Variants in PTPN23 observed in about 807,000 individuals in gnomAD.
The protein encoded by PTPN23 is tyrosine-protein phosphatase non-receptor type 23.
A neutral mutation model predicts 156.3 loss-of-function variants in PTPN23; 72 were observed. That is an observed-to-expected ratio of 0.46 (90% confidence interval 0.38 to 0.56). PTPN23 has a LOEUF of 0.56. Ranked by LOEUF, PTPN23 falls within the 20% of genes least tolerant of loss-of-function variation. The probability of loss-of-function intolerance (pLI) is 0.00; values close to 1 mark genes in which losing one functional copy is unlikely to be tolerated. For synonymous variants in PTPN23, 957 were observed against 899.6 expected (o/e 1.06, Z -1.14); for missense variants, 1,974 against 2,171.5 (o/e 0.91, Z 1.81).
intron 1 of PTPN23, among the ~76,000 whole-genome samples, chr3:47,382,922 C>T (rs1159322969): frequency 1.3e-5 from 2 of 150,616 alleles, no homozygotes; most frequent in East Asian, 4.0e-4. Context: ...TCTCCCGACC[C>T]GTGATCCACC....
In PTPN23 at chr3:47,407,532, C is replaced by T; in HGVS notation, c.951C>T (p.Asp317=). 9 of 1,614,078 alleles carry T rather than the reference C, an allele frequency of 5.6e-6. No individual in the cohort carries two copies. Among genetic ancestry groups the T allele is most frequent in the Non-Finnish European group, 7.6e-6 (9 of 1,179,966 alleles). ...ACAATTCTGCCAAGAAGGACAACGA[C>T]TTCATTTACCATGAGGCTGTCCCAG... ...GKYNSAKKDN[D]FIYHEAVPAL... Residue 317 remains aspartate (D), a synonymous_variant, in exon 12 of 25, where the codon GAC becomes GAT. Transcript: ENST00000265562. This position sits in a 1 kb window ranked among gnomAD's most constrained non-coding sequence, Gnocchi z 4.0.
chr3:47,394,901 G>T (rs1029117121), intron 1 of PTPN23, among the ~76,000 whole-genome samples: 1 of 152,136 alleles, frequency 6.6e-6, no homozygotes, highest in Non-Finnish European at 1.5e-5. Flanking sequence ...GAAGGGGTGG[G>T]TTGTCCAGGA....
chr3:47,405,559 C>A lies in PTPN23; in HGVS notation c.365-190C>A. The A allele has an allele frequency of 1.6e-6, 1 of 624,958 alleles. No individual in the cohort carries two copies. The highest frequency in any genetic ancestry group is 2.8e-6 in the Non-Finnish European group (1 of 358,142). The allele number at this position is 624,958 out of a possible 1,614,324, so 38.7% of individuals were successfully genotyped here. ...CTTCCATCCTCTGCCAAATGCAGAG[C>A]AGGAGACTGAGGGCTGGGCAGGACT... On this transcript the variant is annotated intron_variant, in intron 4 of 24. Coordinates refer to ENST00000265562, the MANE Select transcript of PTPN23 (RefSeq NM_015466.4). This position sits in a 1 kb window ranked among gnomAD's most constrained non-coding sequence, Gnocchi z 4.7.
chr3:47,410,810 TG>T lies in PTPN23; in HGVS notation c.3016del (p.Val1006SerfsTer154). The T allele has an allele frequency of 8.0e-7, 1 of 1,253,292 alleles. No individual in the cohort carries two copies. The highest frequency in any genetic ancestry group is 1.0e-6 in the Non-Finnish European group (1 of 954,402). The allele number at this position is 1,253,292 out of a possible 1,614,324, so 77.6% of individuals were successfully genotyped here. ...CCCCCTACCCCTATGCCCCTCAGCC[TG>T]GGGTCCTGGGGCAGCCGCCACCCCC... ...QSPYPYAPQP[G>X]VLGQPPPPLH... On this transcript the variant is annotated frameshift_variant, in exon 20 of 25. Transcript: ENST00000265562. LOFTEE classifies it high-confidence loss of function.
chr3:47,405,029 T>A lies in PTPN23; in HGVS notation c.312T>A (p.Ser104=). Residue 104 remains serine, a synonymous_variant, in exon 4 of 25, where the codon TCT becomes TCA. Transcript: ENST00000265562. The surrounding 1 kb of genome is among the most constrained non-coding windows in gnomAD (Gnocchi z 4.7). ...GGACAGAGATCTTCTCAGGCAAGTC[T>A]GTGGCCCATGAGGACATCAAGTACG... ...VTWTEIFSGK[S]VAHEDIKYEQ... The A allele has an allele frequency of 6.2e-7, 1 of 1,614,234 alleles. No homozygotes were observed. The highest frequency in any genetic ancestry group is 8.5e-7 in the Non-Finnish European group (1 of 1,180,034).
rs1704539702 is a variant in PTPN23 at position 47,381,572 on chromosome 3, C to T, written c.84+392C>T. ...TGACCGTGCGGATTCTTTTGCTGCG[C>T]CCGGCCCTCGGTGCGCTGTCAAGTC... On this transcript the variant is annotated intron_variant, in intron 1 of 24. Coordinates refer to ENST00000265562, the MANE Select transcript of PTPN23 (RefSeq NM_015466.4). Among the ~76,000 whole-genome samples the T allele has an allele frequency of 2.0e-5, 3 of 152,188 alleles. No individual in the cohort carries two copies. The South Asian group carries it at 6.2e-4, about 31-fold the overall frequency.
intron 2 of PTPN23, among the ~76,000 whole-genome samples, chr3:47,403,073 G>A (rs1448193522): frequency 6.8e-6 from 1 of 146,846 alleles, no homozygotes; most frequent in Non-Finnish European, 1.5e-5. Flanking sequence ...TTTTTTTTGA[G>A]ACGGAGTCTC....
chr3:47,382,136 G>A (rs1025592789), intron 1 of PTPN23, among the ~76,000 whole-genome samples: 2 of 152,180 alleles, frequency 1.3e-5, no homozygotes, highest in Admixed American at 1.3e-4. Context: ...GGGTTTGGAA[G>A]TAGTTTCCCA....
At chr3:47,386,415 C>T (rs1278915280) in intron 1 of PTPN23, among the ~76,000 whole-genome samples, 1 of 152,168 alleles carries the variant, frequency 6.6e-6, no homozygotes, top group Non-Finnish European at 1.5e-5. Flanking sequence ...ATCTGCCCAC[C>T]TCGGTCTCCC....
intron 1 of PTPN23, among the ~76,000 whole-genome samples, chr3:47,385,265 C>G (rs752560697): frequency 1.3e-5 from 2 of 152,168 alleles, no homozygotes; most frequent in Admixed American, 1.3e-4. Context: ...ACCAGCTGTA[C>G]TTGAGCTCAA....
In PTPN23 at chr3:47,407,425, CT is replaced by C; in HGVS notation, c.923+59del. The C allele has an allele frequency of 6.2e-7, 1 of 1,609,126 alleles. No homozygotes were observed. Among genetic ancestry groups the C allele is most frequent in the South Asian group, 1.1e-5 (1 of 90,836 alleles). ...TTTTGTGAAGGGTCTTGTCCCTCTG[CT>C]GGCATCTACATGGGAAGTAGGTTCT... On this transcript the variant is annotated intron_variant, in intron 11 of 24. Coordinates refer to ENST00000265562, the MANE Select transcript of PTPN23 (RefSeq NM_015466.4). The surrounding 1 kb of genome is among the most constrained non-coding windows in gnomAD (Gnocchi z 4.0).
chr3:47,406,196 G>A lies in PTPN23; in HGVS notation c.547-129G>A, dbSNP rs567524696. The A allele has an allele frequency of 2.7e-5, 39 of 1,455,890 alleles. No homozygotes were observed. The African/African-American group carries it at 4.5e-4, about 17-fold the overall frequency. 90.2% of individuals were successfully genotyped at this position (1,455,890 alleles called of 1,614,324 possible). ...AATCAGGAGCACCGTGGTGCTGCTTGGAGTGGGGGCAGCTGGGGGAGAGGG... is the reference window on the plus strand; with the variant it reads ...AATCAGGAGCACCGTGGTGCTGCTTAGAGTGGGGGCAGCTGGGGGAGAGGG... On this transcript the variant is annotated intron_variant, in intron 6 of 24. Transcript: ENST00000265562. The surrounding 1 kb of genome is among the most constrained non-coding windows in gnomAD (Gnocchi z 5.8).
intron 2 of PTPN23, among the ~76,000 whole-genome samples, chr3:47,401,403 C>T (rs996749512): frequency 5.9e-5 from 9 of 151,976 alleles, no homozygotes; most frequent in South Asian, 2.1e-4. Flanking sequence ...GGCGGAGTCT[C>T]GCCATGTTCT....
In PTPN23 at chr3:47,405,845, G is replaced by T; in HGVS notation, c.414+47G>T. 9 of 1,591,118 alleles carry T rather than the reference G, an allele frequency of 5.7e-6. No homozygotes were observed. Among genetic ancestry groups the T allele is most frequent in the Non-Finnish European group, 7.7e-6 (9 of 1,166,956 alleles). ...GAACATGTGGACATACCAGGGAGGG[G>T]CAGCCTCCCAAGTATGGATGAATCC... On this transcript the variant is annotated intron_variant, in intron 5 of 24. Transcript: ENST00000265562. The surrounding 1 kb of genome is among the most constrained non-coding windows in gnomAD (Gnocchi z 4.7).
At chr3:47,403,132 GC>G (rs1705035544) in intron 2 of PTPN23, among the ~76,000 whole-genome samples, 1 of 151,450 alleles carries the variant, frequency 6.6e-6, no homozygotes, top group Non-Finnish European at 1.5e-5. Context: ...CTCACTGCAG[GC>G]TCCGCCCCCC....
At chr3:47,391,591 C>T (rs367572867) in intron 1 of PTPN23, among the ~76,000 whole-genome samples, 1 of 152,228 alleles carries the variant, frequency 6.6e-6, no homozygotes, top group Non-Finnish European at 1.5e-5. Context: ...AGAATGTGAC[C>T]TCTAGGCATG....
chr3:47,411,113 A>ACCAC lies in PTPN23; in HGVS notation c.3318_3321dup (p.Pro1108ThrfsTer44). On this transcript the variant is annotated frameshift_variant, in exon 20 of 25. Coordinates refer to ENST00000265562, the MANE Select transcript of PTPN23 (RefSeq NM_015466.4). LOFTEE classifies it high-confidence loss of function. The surrounding 1 kb of genome is among the most constrained non-coding windows in gnomAD (Gnocchi z 6.3). ...TACCCCCTCGCCCCCCAGCAGCAGAACCACCCCCTTGCCTGCGCCGAGGCG... is the reference window on the plus strand; with the variant it reads ...TACCCCCTCGCCCCCCAGCAGCAGAACCACCCACCCCCTTGCCTGCGCCGAGGCG... The ACCAC allele has an allele frequency of 6.2e-7, 1 of 1,604,190 alleles. No homozygotes were observed. Among genetic ancestry groups the ACCAC allele is most frequent in the East Asian group, 2.3e-5 (1 of 44,100 alleles).
Position 47,410,797 on chromosome 3 carries a change from A to G in PTPN23, c.2999A>G (p.Tyr1000Cys), listed in dbSNP as rs749316423. 6.0e-6 allele frequency: 9 copies of G among 1,503,702 alleles called. No individual in the cohort carries two copies. Among genetic ancestry groups the G allele is most frequent in the Admixed American group, 3.9e-5 (2 of 51,640 alleles). The allele number at this position is 1,503,702 out of a possible 1,614,324, so 93.1% of individuals were successfully genotyped here. Residue 1000 changes from tyrosine to cysteine, a missense_variant, in exon 20 of 25, where the codon TAT (tyrosine) becomes TGT (cysteine). Physicochemically the swap from Tyr to Cys is radical, Grantham distance 194. Coordinates refer to ENST00000265562, the MANE Select transcript of PTPN23 (RefSeq NM_015466.4). ...GLLPPQSPYP[Y>C]APQPGVLGQP... ...CTACCCCCACAATCCCCCTACCCCT[A>G]TGCCCCTCAGCCTGGGGTCCTGGGG...
At chr3:47,404,231 G>A (rs1705066625) in intron 2 of PTPN23, among the ~76,000 whole-genome samples, 1 of 152,044 alleles carries the variant, frequency 6.6e-6, no homozygotes, top group Non-Finnish European at 1.5e-5. Context: ...TCAAGTGTTC[G>A]AGACCAGCCT....
Sources: gnomAD v4.1 joint callset for allele counts (sites outside exome capture counted in the v4.1 genomes callset) on GRCh38, gnomAD v4.1.1 for gene constraint, Gnocchi (gnomAD v3.1) non-coding constraint, MANE v1.5 for transcripts, NCBI Gene and HGNC (gene_info 2026-07-23, HGNC 2026-07-21) for gene names.